Variants in IGF1R observed in about 807,000 individuals in gnomAD.
IGF1R encodes the protein insulin-like growth factor 1 receptor.
A neutral mutation model predicts 144.6 loss-of-function variants in IGF1R; 44 were observed. The ratio of observed to expected loss-of-function variants is 0.30; its 90% CI spans 0.24 to 0.39. The LOEUF is 0.39. Among genes scored for constraint, IGF1R ranks in the 10% least tolerant of loss-of-function variants. The pLI, the probability that IGF1R is intolerant of heterozygous loss-of-function variation, is 1.00. For missense variants in IGF1R, 1,355 were observed against 1,833.7 expected (o/e 0.74, Z 4.77); for synonymous variants, 795 against 722.8 (o/e 1.10, Z -1.60).
intron 20 of IGF1R, among the ~76,000 whole-genome samples, chr15:98,952,206 C>T (rs937566380): frequency 1.1e-4 from 16 of 151,980 alleles, no homozygotes; most frequent in African/African-American, 3.4e-4. Flanking sequence ...TCAGGTTACA[C>T]CATGTGAGAG....
At chr15:98,952,129 G>A (rs1396192912) in intron 20 of IGF1R, among the ~76,000 whole-genome samples, 1 of 152,180 alleles carries the variant, frequency 6.6e-6, no homozygotes, top group African/African-American at 2.4e-5. Flanking sequence ...TCCAGGACCT[G>A]AGCAGAAGGC....
chr15:98,792,946 T>C (rs866463562), intron 2 of IGF1R, among the ~76,000 whole-genome samples: 1 of 152,240 alleles, frequency 6.6e-6, no homozygotes, highest in South Asian at 2.1e-4. Flanking sequence ...TGTAGCTTTG[T>C]CTACCATTGT....
At chr15:98,905,317 A>G (rs1036341437) in intron 5 of IGF1R, among the ~76,000 whole-genome samples, 6 of 152,132 alleles carry the variant, frequency 3.9e-5, no homozygotes, top group Non-Finnish European at 7.4e-5. Context: ...CAGGATACCA[A>G]TATCAATAAA....
intron 2 of IGF1R, among the ~76,000 whole-genome samples, chr15:98,825,616 C>G (rs2056879843): frequency 6.6e-6 from 1 of 152,124 alleles, no homozygotes; most frequent in African/African-American, 2.4e-5. Context: ...CAGTTTCATC[C>G]CAAAACCATC....
chr15:98,850,279 T>C (rs573756353), intron 2 of IGF1R, among the ~76,000 whole-genome samples: 1 of 152,206 alleles, frequency 6.6e-6, no homozygotes, highest in Admixed American at 6.5e-5. Context: ...GAGACCTGAA[T>C]GAAGGTTGAG....
At chr15:98,693,273 G>T (rs1976667) in intron 1 of IGF1R, among the ~76,000 whole-genome samples, 1 of 152,074 alleles carries the variant, frequency 6.6e-6, no homozygotes, top group Non-Finnish European at 1.5e-5. Flanking sequence ...GCAGGGGAGC[G>T]TTTGCTTTGC....
intron 2 of IGF1R, among the ~76,000 whole-genome samples, chr15:98,760,366 G>A (rs1026903735): frequency 4.6e-5 from 7 of 151,634 alleles, no homozygotes; most frequent in African/African-American, 9.7e-5. Flanking sequence ...AAAAAAATCC[G>A]TTTACATAGT....
At chr15:98,761,713 T>C (rs2055300583) in intron 2 of IGF1R, among the ~76,000 whole-genome samples, 1 of 152,254 alleles carries the variant, frequency 6.6e-6, no homozygotes, top group Non-Finnish European at 1.5e-5. Flanking sequence ...GCTTGAACTG[T>C]TGTCCCTGCC....
chr15:98,720,571 GA>G (rs1164639214), intron 2 of IGF1R, among the ~76,000 whole-genome samples: 2 of 152,152 alleles, frequency 1.3e-5, no homozygotes, highest in African/African-American at 4.8e-5. Flanking sequence ...GCTGCAATTG[GA>G]AAGTTCCAGA....
Position 98,948,827 on chromosome 15 carries a change from C to T in IGF1R, c.3722+119C>T, listed in dbSNP as rs373875402. ...CTCTCTGGTCCTGCGCCTCCCTTGC[C>T]AGGCGTGGCTAAGAGGTTTGTCCTT... On this transcript the variant is annotated intron_variant, in intron 20 of 20. Coordinates refer to ENST00000650285, the MANE Select transcript of IGF1R (RefSeq NM_000875.5). The T allele has an allele frequency of 2.9e-4, 345 of 1,208,666 alleles. 3 individuals are homozygous for T. In the South Asian group the frequency reaches 3.7e-3, roughly 13 times the overall value. 74.9% of individuals were successfully genotyped at this position (1,208,666 alleles called of 1,614,324 possible). A position where few individuals can be genotyped will look rare whatever the true frequency, so the allele number is the denominator to read the frequency against.
chr15:98,784,899 T>A lies in IGF1R; in HGVS notation c.640+76792T>A, dbSNP rs138736123. Among the ~76,000 whole-genome samples the A allele has an allele frequency of 2.5e-4, 38 of 152,330 alleles. 1 individual carries two copies. In the East Asian group the frequency reaches 3.3e-3, roughly 13 times the overall value. On this transcript the variant is annotated intron_variant, in intron 2 of 20. Coordinates refer to ENST00000650285, the MANE Select transcript of IGF1R (RefSeq NM_000875.5). ...GAGACTTGAGCATCCAAGGATTTTG[T>A]ATCCGTGGGAGTCCTGGAACCAATC...
intron 2 of IGF1R, among the ~76,000 whole-genome samples, chr15:98,817,592 A>G (rs1299935339): frequency 1.3e-5 from 2 of 152,136 alleles, no homozygotes; most frequent in Non-Finnish European, 2.9e-5. Context: ...GGATAAGAAG[A>G]AAAAGCTGTC....
At chr15:98,745,764 C>T (rs771530398) in intron 2 of IGF1R, among the ~76,000 whole-genome samples, 1 of 152,240 alleles carries the variant, frequency 6.6e-6, no homozygotes, top group Non-Finnish European at 1.5e-5. Flanking sequence ...TCAACAGTCT[C>T]TTGTCAAGAC....
chr15:98,832,396 A>C (rs542415364), intron 2 of IGF1R, among the ~76,000 whole-genome samples: 2 of 152,270 alleles, frequency 1.3e-5, no homozygotes, highest in African/African-American at 4.8e-5. Context: ...TAAATGAATG[A>C]CCTACTGAAG....
In IGF1R at chr15:98,841,257, A is replaced by G. The variant is rs75135977; in HGVS notation, c.641-50068A>G. Among the ~76,000 whole-genome samples, 495 of 152,268 alleles carry G rather than the reference A, an allele frequency of 3.3e-3. 3 individuals carry two copies. The highest frequency in any genetic ancestry group is 0.011 in the African/African-American group (469 of 41,536). On this transcript the variant is annotated intron_variant, in intron 2 of 20. Transcript: ENST00000650285. ...GACTCCAACTAACTCCATGGAGATG[A>G]GCTACAAAAAAAAATACTGATTGGG...
Position 98,714,452 on chromosome 15 carries a change from T to C in IGF1R, c.640+6345T>C, listed in dbSNP as rs55655558. On this transcript the variant is annotated intron_variant, in intron 2 of 20. Coordinates refer to ENST00000650285, the MANE Select transcript of IGF1R (RefSeq NM_000875.5). ...TGAGTCCAGGAGCTCAAGACTGGCCTGGGCAACATGGTGAGACCTTGTTCA... is the reference window on the plus strand; with the variant it reads ...TGAGTCCAGGAGCTCAAGACTGGCCCGGGCAACATGGTGAGACCTTGTTCA... Among the ~76,000 whole-genome samples the C allele has an allele frequency of 7.8e-3, 1,192 of 152,246 alleles. 20 individuals carry two copies. Among genetic ancestry groups the C allele is most frequent in the African/African-American group, 0.027 (1,135 of 41,546 alleles).
chr15:98,714,923 C>A (rs1213787707), intron 2 of IGF1R, among the ~76,000 whole-genome samples: 1 of 152,082 alleles, frequency 6.6e-6, no homozygotes, highest in South Asian at 2.1e-4. Flanking sequence ...ACTGCTAAGA[C>A]GATCATGACA....
At chr15:98,923,740 C>G (rs2715429) in intron 11 of IGF1R, 136 bp from the exon 12 acceptor site, 671,283 of 732,170 alleles carry the variant, frequency 0.92, 309,704 homozygotes, top group Middle Eastern at 0.97. Flanking sequence ...TGGATGGGGG[C>G]GTTATTCTCA....
intron 2 of IGF1R, among the ~76,000 whole-genome samples, chr15:98,754,590 C>A (rs895137832): frequency 6.6e-6 from 1 of 152,194 alleles, no homozygotes; most frequent in Non-Finnish European, 1.5e-5. Flanking sequence ...ACCTTTGCTG[C>A]GTTCCGAAGC....
Sources: allele counts gnomAD v4.1 joint callset (sites outside exome capture counted in the v4.1 genomes callset), GRCh38; gene constraint gnomAD v4.1.1; transcripts MANE v1.5; gene names NCBI Gene and HGNC (gene_info 2026-07-23, HGNC 2026-07-21).